The following ELOVL5 variants were observed in gnomAD, a reference collection of about 807,000 sequenced individuals.
ELOVL5 encodes very long chain fatty acid elongase 5.
ELOVL5 carries 8 observed loss-of-function variants against 38.6 expected under a neutral mutation model. That is an observed-to-expected ratio of 0.21 (90% CI 0.12 to 0.37). The LOEUF is 0.37. Ranked by LOEUF, ELOVL5 falls within the 10% of genes least tolerant of loss-of-function variation. ELOVL5 has a pLI of 1.00. For synonymous variants in ELOVL5, 127 were observed against 133.7 expected (o/e 0.95, Z 0.34); for missense variants, 280 against 367.8 (o/e 0.76, Z 1.95).
intron 3 of ELOVL5, chr6:53,288,026 G>C (rs1766639086): frequency 4.4e-6 from 5 of 1,143,946 alleles, no homozygotes; most frequent in Non-Finnish European, 6.3e-6. Flanking sequence ...ACATTGAATG[G>C]CTTCACATGA....
chr6:53,345,875 G>A (rs1769519232), intron 1 of ELOVL5, among the ~76,000 whole-genome samples: 1 of 152,164 alleles, frequency 6.6e-6, no homozygotes, highest in Non-Finnish European at 1.5e-5. Flanking sequence ...GTCATCTCTA[G>A]GCCTTAATCC....
chr6:53,299,815 ACGGTACAT>A (rs1186706943), intron 1 of ELOVL5, among the ~76,000 whole-genome samples: 1 of 152,230 alleles, frequency 6.6e-6, no homozygotes, highest in Non-Finnish European at 1.5e-5. Flanking sequence ...TTTGTCAGAA[ACGGTACAT>A]CTGTTCTTAG....
At chr6:53,287,543 A>G (rs533287101) in intron 3 of ELOVL5, among the ~76,000 whole-genome samples, 2 of 152,312 alleles carry the variant, frequency 1.3e-5, no homozygotes, top group Admixed American at 1.3e-4. Context: ...TGGGATAGCC[A>G]AAGAGGCTGG....
intron 1 of ELOVL5, among the ~76,000 whole-genome samples, chr6:53,327,296 T>C (rs548025008): frequency 6.6e-5 from 10 of 152,200 alleles, no homozygotes; most frequent in African/African-American, 1.2e-4. Flanking sequence ...ACAAGCAGAA[T>C]TGATGGTTTT....
intron 5 of ELOVL5, among the ~76,000 whole-genome samples, 174 bp downstream of exon 5, chr6:53,274,916 C>T (rs1036229336): frequency 1.3e-5 from 2 of 152,158 alleles, no homozygotes; most frequent in African/African-American, 4.8e-5. Flanking sequence ...GTTCACTTAA[C>T]TAAAAAAGGG....
At chr6:53,294,543 A>G in intron 2 of ELOVL5, 1 of 1,502,054 alleles carries the variant, frequency 6.7e-7, no homozygotes, top group Non-Finnish European at 8.9e-7. Flanking sequence ...TGGTTACATC[A>G]TACAGTCCCT....
At chr6:53,273,418 A>T in intron 5 of ELOVL5, 74 bp from the exon 6 acceptor site, 3 of 1,348,096 alleles carry the variant, frequency 2.2e-6, no homozygotes, top group Non-Finnish European at 3.1e-6. Flanking sequence ...AAAAAAAAAA[A>T]ATACAAGATT....
At chr6:53,298,708 C>A (rs866131446) in intron 1 of ELOVL5, among the ~76,000 whole-genome samples, 1 of 152,154 alleles carries the variant, frequency 6.6e-6, no homozygotes, top group Non-Finnish European at 1.5e-5. Flanking sequence ...GCTGTCTCTG[C>A]TTCTCGGCAG....
intron 3 of ELOVL5, among the ~76,000 whole-genome samples, chr6:53,284,085 T>G (rs1766470199): frequency 6.6e-6 from 1 of 151,394 alleles, no homozygotes; most frequent in Admixed American, 6.6e-5. Flanking sequence ...GTGGGAGGAC[T>G]GCCAGAGCCC....
intron 1 of ELOVL5, among the ~76,000 whole-genome samples, chr6:53,306,096 CG>C (rs1223799930): frequency 2.7e-5 from 4 of 150,104 alleles, no homozygotes; most frequent in Admixed American, 2.0e-4. Context: ...TGCAGGCACT[CG>C]GCAGGCGGAG....
chr6:53,306,007 G>C (rs1339468573), intron 1 of ELOVL5, among the ~76,000 whole-genome samples: 2 of 151,836 alleles, frequency 1.3e-5, no homozygotes, highest in Non-Finnish European at 2.9e-5. Context: ...CTGGAGACCA[G>C]CCCGGCCAAC....
At chr6:53,336,310 A>G (rs1216246478) in intron 1 of ELOVL5, among the ~76,000 whole-genome samples, 1 of 152,178 alleles carries the variant, frequency 6.6e-6, no homozygotes, top group Non-Finnish European at 1.5e-5. Context: ...TCTGTCCGAC[A>G]TGTATGGTGT....
chr6:53,302,796 TTG>T (rs1348342687), intron 1 of ELOVL5, among the ~76,000 whole-genome samples: 2 of 152,212 alleles, frequency 1.3e-5, no homozygotes, highest in Non-Finnish European at 2.9e-5. Context: ...TCAGCTTGCT[TTG>T]AAAGCTCCCT....
chr6:53,293,565 G>A (rs973794375), intron 2 of ELOVL5, among the ~76,000 whole-genome samples: 1 of 152,142 alleles, frequency 6.6e-6, no homozygotes, highest in South Asian at 2.1e-4. Context: ...GGACCCACCT[G>A]CCTTGGCCTC....
At chr6:53,285,775 A>G (rs1276523172) in intron 3 of ELOVL5, among the ~76,000 whole-genome samples, 2 of 151,878 alleles carry the variant, frequency 1.3e-5, no homozygotes, top group East Asian at 3.9e-4. Flanking sequence ...CAGGCTAGTT[A>G]TAAAATTTTT....
intron 3 of ELOVL5, among the ~76,000 whole-genome samples, chr6:53,282,737 G>A (rs905824447): frequency 1.3e-5 from 2 of 152,150 alleles, no homozygotes; most frequent in African/African-American, 4.8e-5. Flanking sequence ...ACAGCAAATA[G>A]CCTTTTCAAA....
chr6:53,335,169 T>C (rs1317152445), intron 1 of ELOVL5, among the ~76,000 whole-genome samples: 2 of 152,172 alleles, frequency 1.3e-5, no homozygotes, highest in Admixed American at 6.5e-5. Context: ...CCAACCAGAT[T>C]AGTACACTCT....
chr6:53,272,600 A>C (rs1704155467), intron 6 of ELOVL5, among the ~76,000 whole-genome samples: 1 of 152,204 alleles, frequency 6.6e-6, no homozygotes, highest in Non-Finnish European at 1.5e-5. Flanking sequence ...GGAGAGAAAG[A>C]GGTTACCTAT....
rs1199201819 is a variant in ELOVL5, at chr6:53,295,708, C to T, written c.-8-1G>A. ...GCATCAAAATGTTCCATTTGAAAAC[C>T]TATTAAGAAAAAAAAAGATACTGAT... On this transcript the variant is annotated splice_acceptor_variant, in intron 1 of 7. Coordinates refer to ENST00000304434, the MANE Select transcript of ELOVL5 (RefSeq NM_021814.5). LOFTEE classifies it low-confidence loss of function (5UTR_SPLICE). 1 of 1,561,812 alleles carries T rather than the reference C, an allele frequency of 6.4e-7. No individual in the cohort carries two copies. Among genetic ancestry groups the T allele is most frequent in the East Asian group, 2.3e-5 (1 of 43,900 alleles).
Sources: allele counts gnomAD v4.1 joint callset (sites outside exome capture counted in the v4.1 genomes callset), GRCh38; gene constraint gnomAD v4.1.1; transcripts MANE v1.5; gene names NCBI Gene and HGNC (gene_info 2026-07-23, HGNC 2026-07-21).